HTR4: variants seen among roughly 807,000 people sequenced by gnomAD.
The protein encoded by HTR4 is 5-hydroxytryptamine (serotonin) receptor 4, G protein-coupled.
Under a neutral mutation model 36.8 loss-of-function variants are expected in HTR4, and 16 were observed. That is an observed-to-expected ratio of 0.43 (90% CI 0.29 to 0.66). The LOEUF (loss-of-function observed/expected upper bound fraction) is 0.66. Among genes scored for constraint, HTR4 ranks in the 30% least tolerant of loss-of-function variants. The pLI is 0.13. For synonymous variants in HTR4, 189 were observed against 185.1 expected (o/e 1.02, Z -0.17); for missense variants, 438 against 490.9 (o/e 0.89, Z 1.02).
chr5:148,564,927 T>G (rs1035132136), intron 2 of HTR4, among the ~76,000 whole-genome samples: 4 of 151,930 alleles, frequency 2.6e-5, no homozygotes, highest in Non-Finnish European at 2.9e-5. Flanking sequence ...CTGGCCAGTA[T>G]GGTGAAACCC....
chr5:148,549,039 C>A (rs923945107), intron 3 of HTR4, among the ~76,000 whole-genome samples, 171 bp from the exon 4 acceptor site: 40 of 152,138 alleles, frequency 2.6e-4, no homozygotes, highest in African/African-American at 9.4e-4. Context: ...CCGTGAGATT[C>A]AATTTCCCCT....
intron 6 of HTR4, among the ~76,000 whole-genome samples, chr5:148,507,109 C>G (rs368249365): frequency 7.2e-5 from 11 of 151,948 alleles, no homozygotes; most frequent in Admixed American, 2.6e-4. Flanking sequence ...CAATAGCAAA[C>G]ACTTGGAACC....
chr5:148,533,672 G>C (rs1486899301), intron 4 of HTR4, among the ~76,000 whole-genome samples: 1 of 152,086 alleles, frequency 6.6e-6, no homozygotes, highest in South Asian at 2.1e-4. Flanking sequence ...TTCACCATTG[G>C]GTACCAACTT....
chr5:148,621,245 A>G (rs943622607), intron 2 of HTR4, among the ~76,000 whole-genome samples: 2 of 152,216 alleles, frequency 1.3e-5, no homozygotes, highest in Non-Finnish European at 2.9e-5. Flanking sequence ...TCATGCTTCT[A>G]TGTATAACCA....
intron 2 of HTR4, among the ~76,000 whole-genome samples, chr5:148,627,589 T>C (rs564746006): frequency 1.7e-4 from 26 of 152,322 alleles, no homozygotes; most frequent in Admixed American, 3.9e-4. Context: ...GTATGTTGTA[T>C]AAAACCTTTT....
chr5:148,595,148 C>A (rs1761720519), intron 2 of HTR4, among the ~76,000 whole-genome samples: 1 of 151,354 alleles, frequency 6.6e-6, no homozygotes, highest in African/African-American at 2.4e-5. Flanking sequence ...CTGCAAATAG[C>A]AAAATCCTCT....
At chr5:148,557,682 G>A (rs1411660517) in intron 2 of HTR4, among the ~76,000 whole-genome samples, 1 of 151,692 alleles carries the variant, frequency 6.6e-6, no homozygotes, top group African/African-American at 2.4e-5. Flanking sequence ...TATCCAGGAT[G>A]TTCTGGGGAC....
chr5:148,490,481 G>A (rs1422216866), intron 6 of HTR4: 2 of 666,092 alleles, frequency 3.0e-6, no homozygotes, highest in African/African-American at 3.9e-5. Context: ...ATGTTACACT[G>A]GCTGAAATAG....
chr5:148,550,582 C>A (rs1484613255), intron 2 of HTR4, among the ~76,000 whole-genome samples: 3 of 152,128 alleles, frequency 2.0e-5, no homozygotes, highest in African/African-American at 7.2e-5. Context: ...GTTTTGTGCA[C>A]CTACTCAACT....
At chr5:148,536,014 A>G (rs186893718) in intron 4 of HTR4, among the ~76,000 whole-genome samples, 114 of 152,282 alleles carry the variant, frequency 7.5e-4, no homozygotes, top group African/African-American at 2.7e-3. Context: ...TACAAAGGGA[A>G]CACCATTAGT....
At chr5:148,590,762 C>A (rs1761532988) in intron 2 of HTR4, among the ~76,000 whole-genome samples, 1 of 151,204 alleles carries the variant, frequency 6.6e-6, no homozygotes, top group Non-Finnish European at 1.5e-5. Context: ...TATTTTCTCC[C>A]ATTCTCCCAA....
At chr5:148,581,559 T>C (rs1236226399) in intron 2 of HTR4, among the ~76,000 whole-genome samples, 2 of 152,096 alleles carry the variant, frequency 1.3e-5, no homozygotes, top group African/African-American at 4.8e-5. Context: ...GATGTGGATA[T>C]ACAGTTTTCC....
intron 1 of HTR4, among the ~76,000 whole-genome samples, chr5:148,652,614 C>T (rs1206442729): frequency 6.6e-6 from 1 of 152,172 alleles, no homozygotes; most frequent in African/African-American, 2.4e-5. Flanking sequence ...AGAGACACTA[C>T]TGTCCTCTGG....
chr5:148,652,734 C>G (rs980292704), intron 1 of HTR4, among the ~76,000 whole-genome samples: 1 of 152,060 alleles, frequency 6.6e-6, no homozygotes, highest in African/African-American at 2.4e-5. Flanking sequence ...GACTGTGGCT[C>G]TCCTCTATAA....
At chr5:148,574,757 G>A (rs1006772224) in intron 2 of HTR4, among the ~76,000 whole-genome samples, 7 of 151,952 alleles carry the variant, frequency 4.6e-5, no homozygotes, top group Admixed American at 1.3e-4. Flanking sequence ...TGTAATATAC[G>A]GTGCTTCTTA....
At chr5:148,476,748 G>C, downstream of HTR4, 1 of 1,613,248 alleles carries the variant, frequency 6.2e-7, no homozygotes, top group Non-Finnish European at 8.5e-7. Flanking sequence ...CTCAAAATCT[G>C]GTAGGAGAGA....
chr5:148,492,599 A>C (rs1048511286), intron 6 of HTR4, among the ~76,000 whole-genome samples: 1 of 152,236 alleles, frequency 6.6e-6, no homozygotes, highest in Admixed American at 6.5e-5. Context: ...GATGCTATGC[A>C]AATACTTATG....
chr5:148,647,060 C>T (rs968054833), intron 1 of HTR4, among the ~76,000 whole-genome samples: 5 of 152,136 alleles, frequency 3.3e-5, no homozygotes, highest in African/African-American at 9.7e-5. Context: ...TTGCTCTTGG[C>T]ATCATGTGAC....
intron 6 of HTR4, among the ~76,000 whole-genome samples, chr5:148,502,924 G>A (rs939255032): frequency 2.0e-5 from 3 of 152,180 alleles, no homozygotes; most frequent in African/African-American, 7.2e-5. Context: ...GAAATGAAGT[G>A]AGAAGAGAAG....
Sources: allele counts gnomAD v4.1 joint callset (sites outside exome capture counted in the v4.1 genomes callset), GRCh38; gene constraint gnomAD v4.1.1; transcripts MANE v1.5; gene names NCBI Gene and HGNC (gene_info 2026-07-23, HGNC 2026-07-21).